The following CADPS2 variants were observed in gnomAD, a reference collection of about 807,000 sequenced individuals.
CADPS2 encodes calcium-dependent secretion activator 2.
CADPS2 carries 93 observed loss-of-function variants against 172.5 expected under a neutral mutation model. The observed-to-expected ratio is 0.54, with a 90% CI of 0.46 to 0.64. The LOEUF is 0.64. Among genes scored for constraint, CADPS2 ranks in the 30% least tolerant of loss-of-function variants. The pLI is 0.00. For synonymous variants in CADPS2, 546 were observed against 555.2 expected (o/e 0.98, Z 0.23); for missense variants, 1,420 against 1,565.9 (o/e 0.91, Z 1.57).
chr7:122,725,570 G>A (rs2091000698), intron 2 of CADPS2, among the ~76,000 whole-genome samples: 1 of 121,904 alleles, frequency 8.2e-6, no homozygotes, highest in Non-Finnish European at 1.6e-5. Flanking sequence ...CTCATTTTGA[G>A]AAATGCAAAT....
At chr7:122,767,290 G>A (rs73719769) in intron 1 of CADPS2, among the ~76,000 whole-genome samples, 2,647 of 152,126 alleles carry the variant, frequency 0.017, 73 homozygotes, top group African/African-American at 0.06. Context: ...CTGTGAGGTC[G>A]ATGTTATTAT....
intron 24 of CADPS2, chr7:122,386,260 T>C: frequency 7.4e-7 from 1 of 1,343,750 alleles, no homozygotes; most frequent in Non-Finnish European, 9.8e-7. Flanking sequence ...ATAACTCAAA[T>C]GAAATGTGCT....
At chr7:122,555,369 T>C (rs1297157189) in intron 7 of CADPS2, among the ~76,000 whole-genome samples, 1 of 152,134 alleles carries the variant, frequency 6.6e-6, no homozygotes, top group Non-Finnish European at 1.5e-5. Flanking sequence ...CTTCAGATGT[T>C]AGGTGCCATG....
chr7:122,838,541 C>T lies in CADPS2; in HGVS notation c.339+47458G>A, dbSNP rs1809317068. 2.0e-5 allele frequency among the ~76,000 whole-genome samples: 3 copies of T among 152,276 alleles called. No individual in the cohort carries two copies. The South Asian group carries it at 6.2e-4, about 32-fold the overall frequency. On this transcript the variant is annotated intron_variant, in intron 1 of 29. Transcript: ENST00000449022. The stretch of plus-strand genomic sequence containing the variant: ...TATCCAGAAAACCCCATTGTCTCAG[C>T]CCCAAATCTCCTTAAGCTGATAAGC...
intron 15 of CADPS2, among the ~76,000 whole-genome samples, chr7:122,444,711 T>A (rs1254337975): frequency 6.6e-6 from 1 of 152,208 alleles, no homozygotes; most frequent in African/African-American, 2.4e-5. Flanking sequence ...TACTGTGGGA[T>A]GTGTGTCGTC....
At chr7:122,823,462 G>A (rs1024741207) in intron 1 of CADPS2, among the ~76,000 whole-genome samples, 1 of 151,664 alleles carries the variant, frequency 6.6e-6, no homozygotes, top group African/African-American at 2.4e-5. Flanking sequence ...TTTACTATAA[G>A]AGTATTGGCT....
In CADPS2 at chr7:122,708,520, GATATATATAT is replaced by G. The variant is rs57522086; in HGVS notation, c.453+28425_453+28434del. 5.8e-3 allele frequency among the ~76,000 whole-genome samples: 674 copies of G among 116,038 alleles called. 4 individuals carry two copies. Among genetic ancestry groups the G allele is most frequent in the African/African-American group, 8.3e-3 (243 of 29,278 alleles). The allele number at this position is 116,038 out of a possible 152,430, so 76.1% of individuals were successfully genotyped here. A position where few individuals can be genotyped will look rare whatever the true frequency, so the allele number is the denominator to read the frequency against. On this transcript the variant is annotated intron_variant, in intron 2 of 29. Transcript: ENST00000449022. ...GTAGATCCAAACATATTGTATTCGA[GATATATATAT>G]ATATATATATATATATATATATATA...
chr7:122,645,357 ACATG>A, intron 3 of CADPS2, among the ~76,000 whole-genome samples: 1 of 111,514 alleles, frequency 9.0e-6, no homozygotes, highest in Non-Finnish European at 2.1e-5. Flanking sequence ...GTGTGTGTAT[ACATG>A]TACATGTATA....
chr7:122,643,031 T>G (rs2077859093), intron 3 of CADPS2, among the ~76,000 whole-genome samples: 1 of 152,238 alleles, frequency 6.6e-6, no homozygotes, highest in Non-Finnish European at 1.5e-5. Context: ...GATTAATTCC[T>G]AGCTGGTTCA....
chr7:122,791,047 A>T (rs1162879539), intron 1 of CADPS2, among the ~76,000 whole-genome samples: 1 of 152,166 alleles, frequency 6.6e-6, no homozygotes, highest in Non-Finnish European at 1.5e-5. Context: ...CAATTCCCCT[A>T]GCTGTCTGAA....
chr7:122,867,843 TA>T (rs1229164972), intron 1 of CADPS2, among the ~76,000 whole-genome samples: 2 of 152,190 alleles, frequency 1.3e-5, no homozygotes, highest in Non-Finnish European at 2.9e-5. Context: ...AAGCACTCCC[TA>T]AGCCTTCTTT....
chr7:122,565,915 T>C (rs2132352541), intron 7 of CADPS2, among the ~76,000 whole-genome samples: 1 of 152,286 alleles, frequency 6.6e-6, no homozygotes, highest in East Asian at 1.9e-4. Context: ...TTGTAGCCTT[T>C]GGCCAACATC....
chr7:122,668,617 T>G (rs964113034), intron 2 of CADPS2, among the ~76,000 whole-genome samples: 3 of 151,932 alleles, frequency 2.0e-5, no homozygotes, highest in African/African-American at 7.3e-5. Flanking sequence ...ATAAGAGAGA[T>G]AGAGACAGTC....
intron 17 of CADPS2, among the ~76,000 whole-genome samples, chr7:122,431,037 T>TC (rs2049843284): frequency 6.6e-6 from 1 of 152,200 alleles, no homozygotes; most frequent in Non-Finnish European, 1.5e-5. Flanking sequence ...CATTAGTGCT[T>TC]CCCCCACTTC....
intron 6 of CADPS2, among the ~76,000 whole-genome samples, chr7:122,595,493 A>G (rs1391373823): frequency 6.6e-6 from 1 of 152,054 alleles, no homozygotes; most frequent in Non-Finnish European, 1.5e-5. Flanking sequence ...GTCAGTACAT[A>G]CTATTCTTAA....
At chr7:122,797,999 G>A (rs1172072973) in intron 1 of CADPS2, among the ~76,000 whole-genome samples, 1 of 150,468 alleles carries the variant, frequency 6.6e-6, no homozygotes, top group African/African-American at 2.4e-5. Context: ...TTTTTGTGCA[G>A]GTTTTTTTTT....
Position 122,670,869 on chromosome 7 carries a change from C to CAA in CADPS2, c.454-7302_454-7301dup, listed in dbSNP as rs35788531. Among the ~76,000 whole-genome samples, 90 of 122,962 alleles carry CAA rather than the reference C, an allele frequency of 7.3e-4. 1 individual carries two copies. Among genetic ancestry groups the CAA allele is most frequent in the Non-Finnish European group, 8.5e-4 (51 of 59,886 alleles). The allele number at this position is 122,962 out of a possible 152,430, so 80.7% of individuals were successfully genotyped here. On this transcript the variant is annotated intron_variant, in intron 2 of 29. Transcript: ENST00000449022. ...ACTGCACAGCAGTGAAACCCTGTTTCAAAAAAAAAAAAAAAAAGTCCCAAA... is the reference window on the plus strand; with the variant it reads ...ACTGCACAGCAGTGAAACCCTGTTTCAAAAAAAAAAAAAAAAAAAGTCCCAAA...
chr7:122,415,036 T>C (rs2047720045), intron 18 of CADPS2, among the ~76,000 whole-genome samples: 1 of 152,174 alleles, frequency 6.6e-6, no homozygotes, highest in Admixed American at 6.5e-5. Context: ...TCATGGCTAT[T>C]AGAAAGAGTG....
intron 2 of CADPS2, among the ~76,000 whole-genome samples, chr7:122,711,147 A>T (rs2088644674): frequency 6.6e-6 from 1 of 152,126 alleles, no homozygotes; most frequent in South Asian, 2.1e-4. Context: ...ATATCACAGG[A>T]TCAGAGGCCA....
Sources: gnomAD v4.1 joint callset for allele counts (sites outside exome capture counted in the v4.1 genomes callset) on GRCh38, gnomAD v4.1.1 for gene constraint, MANE v1.5 for transcripts, NCBI Gene and HGNC (gene_info 2026-07-23, HGNC 2026-07-21) for gene names.